DPYD: variants seen among roughly 807,000 people sequenced by gnomAD.
DPYD encodes dihydropyrimidine dehydrogenase, also known as dihydropyrimidine dehydrogenase [NADP(+)].
Under a neutral mutation model 116.2 loss-of-function variants are expected in DPYD, and 109 were observed. The observed-to-expected ratio is 0.94, with a 90% CI of 0.80 to 1.10. The LOEUF (loss-of-function observed/expected upper bound fraction) is 1.10, where lower values mean the gene tolerates loss of function less well. Among genes scored for constraint, DPYD ranks in the 50% least tolerant of loss-of-function variants. DPYD has a pLI of 0.00. For synonymous variants in DPYD, 440 were observed against 432.0 expected (o/e 1.02, Z -0.23); for missense variants, 1,302 against 1,254.5 (o/e 1.04, Z -0.57).
chr1:97,717,821 T>C (rs1391261221), intron 5 of DPYD, among the ~76,000 whole-genome samples: 8 of 148,286 alleles, frequency 5.4e-5, no homozygotes, highest in African/African-American at 1.8e-4. Flanking sequence ...TGTGTGTGCA[T>C]GTGTGTGTGT....
chr1:97,519,917 A>G (rs1398376994), intron 12 of DPYD, among the ~76,000 whole-genome samples: 2 of 152,110 alleles, frequency 1.3e-5, no homozygotes, highest in Non-Finnish European at 2.9e-5. Flanking sequence ...CAGAGAAATT[A>G]TTTTATCTGA....
intron 20 of DPYD, among the ~76,000 whole-genome samples, chr1:97,156,780 G>T (rs1253883573): frequency 1.3e-5 from 2 of 151,812 alleles, no homozygotes; most frequent in Non-Finnish European, 2.9e-5. Context: ...TATACCCAAA[G>T]GACTATAAAT....
Position 97,514,100 on chromosome 1 carries a change from C to CT in DPYD, c.1740+1625dup, listed in dbSNP as rs1557764618. On this transcript the variant is annotated intron_variant, in intron 13 of 22. Coordinates refer to ENST00000370192, the MANE Select transcript of DPYD (RefSeq NM_000110.4). ...TAATTTCCATTTGTTCATAACTCCC[C>CT]TTTTGAACCAGCATCACACACTTCT... The CT allele has an allele frequency of 4.2e-6, 3 of 718,068 alleles. No homozygotes were observed. In the African/African-American group the frequency reaches 5.8e-5, roughly 14 times the overall value. 44.5% of individuals were successfully genotyped at this position (718,068 alleles called of 1,614,324 possible).
intron 2 of DPYD, among the ~76,000 whole-genome samples, chr1:97,854,137 T>C (rs546953812): frequency 6.6e-6 from 1 of 152,184 alleles, no homozygotes; most frequent in South Asian, 2.1e-4. Flanking sequence ...TATTTAATTG[T>C]TTGCCTTTTT....
At chr1:97,190,346 C>T (rs1162520427) in intron 20 of DPYD, among the ~76,000 whole-genome samples, 1 of 151,892 alleles carries the variant, frequency 6.6e-6, no homozygotes, top group Non-Finnish European at 1.5e-5. Context: ...CTTTTTTGTC[C>T]CTTTTGGCAA....
intron 14 of DPYD, among the ~76,000 whole-genome samples, chr1:97,402,210 G>C (rs954060447): frequency 9.9e-5 from 15 of 151,996 alleles, no homozygotes; most frequent in African/African-American, 3.4e-4. Flanking sequence ...GATCAAGCTG[G>C]GAAGAACTCA....
At chr1:97,566,211 G>A (rs1405201881) in intron 11 of DPYD, among the ~76,000 whole-genome samples, 1 of 152,104 alleles carries the variant, frequency 6.6e-6, no homozygotes, top group Non-Finnish European at 1.5e-5. Context: ...GTAATTCTGA[G>A]CCTCCCCTGT....
chr1:97,177,555 ATTCT>A (rs1055469390), intron 20 of DPYD, among the ~76,000 whole-genome samples: 10 of 149,988 alleles, frequency 6.7e-5, no homozygotes, highest in South Asian at 2.1e-4. Flanking sequence ...AATTCAGACC[ATTCT>A]TTCTTTCTTT....
At chr1:97,543,906 G>A (rs773651348) in intron 12 of DPYD, among the ~76,000 whole-genome samples, 3 of 152,134 alleles carry the variant, frequency 2.0e-5, no homozygotes, top group Admixed American at 6.5e-5. Flanking sequence ...CTCCCTGGAC[G>A]AGGAGGAGAA....
chr1:97,811,947 A>ATT (rs1211491737), intron 3 of DPYD, among the ~76,000 whole-genome samples: 1 of 152,186 alleles, frequency 6.6e-6, no homozygotes, highest in Admixed American at 6.5e-5. Context: ...GAAAATCACT[A>ATT]TAAGTGGAAA....
At chr1:97,497,578 T>C (rs999380200) in intron 13 of DPYD, among the ~76,000 whole-genome samples, 2 of 151,898 alleles carry the variant, frequency 1.3e-5, no homozygotes, top group Non-Finnish European at 2.9e-5. Context: ...CTTCATATTT[T>C]TACTTTTTCT....
chr1:97,519,714 G>A lies in DPYD; in HGVS notation c.1525-3773C>T, dbSNP rs1557768607. On this transcript the variant is annotated intron_variant, in intron 12 of 22. Coordinates refer to ENST00000370192, the MANE Select transcript of DPYD (RefSeq NM_000110.4). ...ATATCTGTAAGTTGCTCAGTTACTG[G>A]TAAAGCCACAATAAAATATATAGTT... Among the ~76,000 whole-genome samples, 4 of 152,258 alleles carry A rather than the reference G, an allele frequency of 2.6e-5. No individual in the cohort carries two copies. The South Asian group carries it at 8.3e-4, about 32-fold the overall frequency.
At chr1:97,451,573 C>T (rs1302884623) in intron 13 of DPYD, among the ~76,000 whole-genome samples, 2 of 152,076 alleles carry the variant, frequency 1.3e-5, no homozygotes, top group Non-Finnish European at 2.9e-5. Flanking sequence ...ACCAGCCTTG[C>T]TTTGATTTGC....
At chr1:97,251,350 C>T (rs1663076095) in intron 18 of DPYD, among the ~76,000 whole-genome samples, 1 of 144,844 alleles carries the variant, frequency 6.9e-6, no homozygotes, top group South Asian at 2.2e-4. Flanking sequence ...CGAGATTGCG[C>T]CATTGCACTC....
chr1:97,522,741 T>C (rs1648777892), intron 12 of DPYD, among the ~76,000 whole-genome samples: 2 of 151,788 alleles, frequency 1.3e-5, no homozygotes, highest in East Asian at 1.9e-4. Context: ...AATCCATCTA[T>C]ATAAAATACT....
At chr1:97,560,769 G>A (rs913581280) in intron 11 of DPYD, among the ~76,000 whole-genome samples, 6 of 152,126 alleles carry the variant, frequency 3.9e-5, no homozygotes, top group South Asian at 4.1e-4. Flanking sequence ...TACAAGATGA[G>A]GGATGTGAGA....
intron 4 of DPYD, among the ~76,000 whole-genome samples, chr1:97,735,342 TA>T (rs1010138430): frequency 6.6e-6 from 1 of 151,976 alleles, no homozygotes; most frequent in Non-Finnish European, 1.5e-5. Context: ...CTTTTAATAG[TA>T]AAATTGACAG....
chr1:97,887,828 G>A (rs1672583836), intron 1 of DPYD, among the ~76,000 whole-genome samples: 1 of 151,992 alleles, frequency 6.6e-6, no homozygotes, highest in Non-Finnish European at 1.5e-5. Flanking sequence ...TTACCCCCAT[G>A]CTGCTGTTCT....
intron 5 of DPYD, among the ~76,000 whole-genome samples, chr1:97,699,960 G>C (rs929793141): frequency 1.5e-4 from 23 of 152,066 alleles, no homozygotes; most frequent in African/African-American, 5.6e-4. Context: ...TTGCATTATA[G>C]GAGTTAGCAT....
Sources: gnomAD v4.1 joint callset for allele counts (sites outside exome capture counted in the v4.1 genomes callset) on GRCh38, gnomAD v4.1.1 for gene constraint, MANE v1.5 for transcripts, NCBI Gene and HGNC (gene_info 2026-07-23, HGNC 2026-07-21) for gene names.